Variants in HECTD2 observed in about 807,000 individuals in gnomAD.
HECTD2 encodes the protein HECT domain E3 ubiquitin protein ligase 2.
HECTD2 carries 35 observed loss-of-function variants against 103.2 expected under a neutral mutation model. The observed-to-expected ratio is 0.34, with a 90% confidence interval of 0.26 to 0.45. The LOEUF (loss-of-function observed/expected upper bound fraction) is 0.45. Ranked by LOEUF, HECTD2 falls within the 20% of genes least tolerant of loss-of-function variation. The probability of loss-of-function intolerance (pLI) is 1.00; values close to 1 mark genes in which losing one functional copy is unlikely to be tolerated. For missense variants in HECTD2, 596 were observed against 937.4 expected, an observed-to-expected ratio of 0.64 and a Z score of 4.76; for synonymous variants, 281 against 329.9, an observed-to-expected ratio of 0.85 and a Z score of 1.61.
rs1486896100 is a variant in HECTD2, at chr10:91,508,498, G to A, written c.2211-3766G>A. Among the ~76,000 whole-genome samples, 7 of 151,438 alleles carry A rather than the reference G, an allele frequency of 4.6e-5. No homozygotes were observed. In the East Asian group the frequency reaches 9.7e-4, roughly 21 times the overall value. ...AGACACTTCTCAAAAGAAGACATTT[G>A]TGCAGCCAAAAAACACATGAAAAAA... On this transcript the variant is annotated intron_variant, in intron 20 of 20. Transcript: ENST00000298068.
At chr10:91,455,007 G>A (rs898151318) in intron 2 of HECTD2, among the ~76,000 whole-genome samples, 1 of 152,094 alleles carries the variant, frequency 6.6e-6, no homozygotes, top group African/African-American at 2.4e-5. Context: ...CTTAGCTATT[G>A]TGAATAGTGC....
At chr10:91,465,888 T>C (rs1415323914) in intron 5 of HECTD2, among the ~76,000 whole-genome samples, 1 of 152,206 alleles carries the variant, frequency 6.6e-6, no homozygotes, top group Non-Finnish European at 1.5e-5. Flanking sequence ...TATTGATCTA[T>C]ACTTTTCCTT....
At chr10:91,488,082 C>G (rs1397097833) in intron 11 of HECTD2, 1 of 187,790 alleles carries the variant, frequency 5.3e-6, no homozygotes, top group Non-Finnish European at 1.1e-5. Flanking sequence ...TACCACCAAC[C>G]TTAGATAACC....
chr10:91,506,040 A>C (rs1847151838), intron 20 of HECTD2, among the ~76,000 whole-genome samples: 1 of 152,214 alleles, frequency 6.6e-6, no homozygotes, highest in Non-Finnish European at 1.5e-5. Flanking sequence ...ACATAACGAA[A>C]TGAAGGCAGA....
intron 20 of HECTD2, among the ~76,000 whole-genome samples, chr10:91,508,314 C>T (rs1207953715): frequency 6.9e-6 from 1 of 144,694 alleles, no homozygotes; most frequent in Non-Finnish European, 1.5e-5. Context: ...GCAAAAGAAA[C>T]TACCATCAGA....
At chr10:91,500,268 CT>C (rs1424696024) in intron 18 of HECTD2, among the ~76,000 whole-genome samples, 7 of 152,156 alleles carry the variant, frequency 4.6e-5, no homozygotes, top group African/African-American at 1.7e-4. Flanking sequence ...AAGTAATTTG[CT>C]TGTTTTTCTG....
Position 91,466,320 on chromosome 10 carries a change from T to G in HECTD2, c.600+4136T>G, listed in dbSNP as rs565985676. Reference sequence around the variant, plus strand: ...TTCTCACTTCCTTTTGTGATTAGTCTGGCTAGAGGCTTATCACTTTTATTG... The same window carrying G: ...TTCTCACTTCCTTTTGTGATTAGTCGGGCTAGAGGCTTATCACTTTTATTG... On this transcript the variant is annotated intron_variant, in intron 5 of 20. Coordinates refer to ENST00000298068, the MANE Select transcript of HECTD2 (RefSeq NM_182765.6). Among the ~76,000 whole-genome samples, 4 of 152,296 alleles carry G rather than the reference T, an allele frequency of 2.6e-5. No homozygotes were observed. The East Asian group carries it at 7.7e-4, about 29-fold the overall frequency.
chr10:91,498,143 T>C lies in HECTD2; in HGVS notation c.1716T>C (p.His572=). Residue 572 remains histidine (H), a synonymous_variant, in exon 16 of 21, where the codon CAT becomes CAC. Transcript: ENST00000298068. ...ATGGATTAAGTGAACTCTTATCACA[T>C]GAAGGCAATGTTGAAGAAGATTTCT... is the stretch of plus-strand genomic sequence containing the variant. ...LAHGLSELLS[H]EGNVEEDFYS... The C allele has an allele frequency of 6.2e-7, 1 of 1,612,190 alleles. No individual in the cohort carries two copies. The highest frequency in any genetic ancestry group is 8.5e-7 in the Non-Finnish European group (1 of 1,178,384).
intron 2 of HECTD2, among the ~76,000 whole-genome samples, chr10:91,429,350 G>T (rs1374970999): frequency 6.6e-6 from 1 of 152,032 alleles, no homozygotes; most frequent in Non-Finnish European, 1.5e-5. Flanking sequence ...CTTTTTGGTT[G>T]TGTCTCTGCC....
At position 91,425,402 on chromosome 10, in the gene HECTD2, T is replaced by A; in HGVS notation, c.260T>A (p.Ile87Asn). Reference sequence around the variant, plus strand: ...CCTGCACATCTTGTTTTCCCTAACATCAAGAATGGTAAATAATTTTTAAAT... The same window carrying A: ...CCTGCACATCTTGTTTTCCCTAACAACAAGAATGGTAAATAATTTTTAAAT... ...SSPAHLVFPNIKNVREPPPIC... is the reference protein window; with the variant it reads ...SSPAHLVFPNNKNVREPPPIC... Residue 87 changes from isoleucine (I) to asparagine (N), a missense_variant, in exon 2 of 21, where the codon ATC becomes AAC. This residue lies in a region of HECTD2 where 220 missense variants were observed against 233.9 expected (regional missense o/e 0.94). Coordinates refer to ENST00000298068, the MANE Select transcript of HECTD2 (RefSeq NM_182765.6). 2 of 1,534,652 alleles carry A rather than the reference T, an allele frequency of 1.3e-6. No homozygotes were observed. Among genetic ancestry groups the A allele is most frequent in the East Asian group, 4.7e-5 (2 of 42,910 alleles).
intron 15 of HECTD2, among the ~76,000 whole-genome samples, chr10:91,497,808 G>A (rs1846744405): frequency 6.6e-6 from 1 of 152,176 alleles, no homozygotes; most frequent in South Asian, 2.1e-4. Flanking sequence ...AAACAGTAAT[G>A]TGGCAGATAG....
intron 2 of HECTD2, among the ~76,000 whole-genome samples, chr10:91,429,870 C>T (rs1843758915): frequency 6.6e-6 from 1 of 152,094 alleles, no homozygotes; most frequent in Admixed American, 6.6e-5. Flanking sequence ...TTTTGTGTCT[C>T]TATTTCCTTC....
rs772329984 is a variant in HECTD2, at chr10:91,501,270, G to A, written c.2146G>A (p.Val716Ile). ...LLHFTTGSDR[V>I]PVGGMADLNF... ...ACATTTTACTACAGGGAGTGACAGA[G>A]TACCTGTAGGAGGGATGGCTGATTT... The change falls in exon 20 of 21, where the codon GTA becomes ATA. Residue 716 changes from valine (V) to isoleucine (I), a missense_variant. Coordinates refer to ENST00000298068, the MANE Select transcript of HECTD2 (RefSeq NM_182765.6). 4 of 1,602,898 alleles carry A rather than the reference G, an allele frequency of 2.5e-6. No individual in the cohort carries two copies. Among genetic ancestry groups the A allele is most frequent in the Non-Finnish European group, 3.4e-6 (4 of 1,170,854 alleles).
At chr10:91,467,359 T>C (rs1845567695) in intron 5 of HECTD2, among the ~76,000 whole-genome samples, 1 of 152,122 alleles carries the variant, frequency 6.6e-6, no homozygotes, top group African/African-American at 2.4e-5. Context: ...TGCCCATCCC[T>C]CAAGGCTCAC....
At chr10:91,429,622 G>C (rs889338601) in intron 2 of HECTD2, among the ~76,000 whole-genome samples, 7 of 152,152 alleles carry the variant, frequency 4.6e-5, no homozygotes, top group South Asian at 2.1e-4. Flanking sequence ...TGTATGTGTC[G>C]AGGAATTTAT....
At chr10:91,437,041 T>C (rs1381572522) in intron 2 of HECTD2, among the ~76,000 whole-genome samples, 5 of 151,964 alleles carry the variant, frequency 3.3e-5, no homozygotes, top group African/African-American at 1.2e-4. Flanking sequence ...AGATAAGGAG[T>C]ATGAGATTCT....
intron 2 of HECTD2, among the ~76,000 whole-genome samples, chr10:91,426,405 A>G (rs1038031125): frequency 2.6e-5 from 4 of 152,090 alleles, no homozygotes; most frequent in Non-Finnish European, 4.4e-5. Flanking sequence ...ACCCATGTCC[A>G]TAAGCTGCAT....
chr10:91,468,951 A>C (rs1005080518), intron 5 of HECTD2, among the ~76,000 whole-genome samples: 2 of 151,654 alleles, frequency 1.3e-5, no homozygotes, highest in Non-Finnish European at 2.9e-5. Context: ...AAAAAAAAAA[A>C]AAAAAACAAG....
intron 19 of HECTD2, 135 bp from the exon 20 acceptor site, chr10:91,501,056 A>T: frequency 1.5e-6 from 1 of 666,714 alleles, no homozygotes; most frequent in South Asian, 1.9e-5. Context: ...GAAGCTCACC[A>T]TTCCTTAATT....
Sources: gnomAD v4.1 joint callset for allele counts (sites outside exome capture counted in the v4.1 genomes callset) on GRCh38, gnomAD v4.1.1 for gene constraint, gnomAD v4.1.1 regional missense constraint, MANE v1.5 for transcripts, NCBI Gene and HGNC (gene_info 2026-07-23, HGNC 2026-07-21) for gene names.